Variants in FRMPD3 observed in about 807,000 individuals in gnomAD.
FRMPD3 encodes the protein FERM and PDZ domain containing 3, also known as FERM and PDZ domain-containing protein 3.
In FRMPD3, 42 loss-of-function variants were observed where a neutral mutation model predicts 97.9. The observed-to-expected ratio is 0.43, with a 90% CI of 0.34 to 0.55. The LOEUF is 0.55. FRMPD3 is among the 20% of genes least tolerant of loss of function. The pLI is 0.03. For missense variants in FRMPD3, 1,303 were observed against 1,457.7 expected, an observed-to-expected ratio of 0.89 and a Z score of 1.73; for synonymous variants, 577 against 581.1, an observed-to-expected ratio of 0.99 and a Z score of 0.10.
intron 1 of FRMPD3, among the ~76,000 whole-genome samples, chrX:107,461,001 G>A (rs1212716811): frequency 8.9e-6 from 1 of 111,984 alleles, no homozygotes; most frequent in Admixed American, 9.5e-5. Context: ...CCACTAGTCC[G>A]CTGCTGCCAC....
chrX:107,521,715 C>T (rs1186055569), intron 1 of FRMPD3, among the ~76,000 whole-genome samples: 1 of 111,931 alleles, frequency 8.9e-6, no homozygotes, highest in African/African-American at 3.2e-5. Flanking sequence ...CTTCTGTTAC[C>T]GGAATCAGAG....
At chrX:107,513,414 A>G (rs1003877094) in intron 1 of FRMPD3, 6 of 111,522 alleles carry the variant, frequency 5.4e-5, no homozygotes, top group African/African-American at 2.0e-4. Context: ...AGGACTATTC[A>G]AAGTCACCCT....
chrX:107,480,028 G>A (rs1309744905), intron 1 of FRMPD3, among the ~76,000 whole-genome samples: 1 of 102,929 alleles, frequency 9.7e-6, no homozygotes, highest in Non-Finnish European at 2.0e-5. Context: ...CCAAAACCCT[G>A]TCTCATTTAA....
At chrX:107,463,271 C>G (rs1252591358) in intron 1 of FRMPD3, among the ~76,000 whole-genome samples, 1 of 112,310 alleles carries the variant, frequency 8.9e-6, no homozygotes, top group African/African-American at 3.2e-5. Context: ...ACATTTTTAA[C>G]ATTTCTGAAA....
At chrX:107,450,852 G>A (rs1427985983) in intron 1 of FRMPD3, among the ~76,000 whole-genome samples, 1 of 109,536 alleles carries the variant, frequency 9.1e-6, no homozygotes, top group Non-Finnish European at 1.9e-5. Context: ...TGCAGATCCA[G>A]TACCTGCTGC....
At chrX:107,487,400 G>A (rs1315206174) in intron 1 of FRMPD3, among the ~76,000 whole-genome samples, 1 of 111,837 alleles carries the variant, frequency 8.9e-6, no homozygotes, top group Non-Finnish European at 1.9e-5. Flanking sequence ...ATAATTGCTT[G>A]GGTTGGGAGG....
chrX:107,547,292 C>T (rs1921657500), intron 5 of FRMPD3, among the ~76,000 whole-genome samples: 1 of 110,901 alleles, frequency 9.0e-6, no homozygotes, highest in Non-Finnish European at 1.9e-5. Context: ...GCAGAGTAAT[C>T]AGTCAAGGGC....
In FRMPD3 at chrX:107,565,050, G is replaced by T. The variant is rs1427783238; in HGVS notation, c.1280G>T (p.Ser427Ile). The T allele has an allele frequency of 6.8e-6, 8 of 1,184,567 alleles. No individual in the cohort carries two copies. The highest frequency in any genetic ancestry group is 9.1e-6 in the Non-Finnish European group (8 of 882,412). The change falls in exon 12 of 15, where the codon AGC (serine) becomes ATC (isoleucine). Residue 427 changes from serine to isoleucine, a missense_variant. Ser to Ile is a moderately radical substitution (Grantham distance 142, BLOSUM62 -2). Coordinates refer to ENST00000683843, the MANE Select transcript of FRMPD3 (RefSeq NM_001388459.1). Reference protein sequence around the residue: ...ENQGVARVETSIMDAKPLVLL... With the variant: ...ENQGVARVETIIMDAKPLVLL... The stretch of plus-strand genomic sequence containing the variant: ...CAGGGCGTGGCCCGGGTGGAGACCA[G>T]CATCATGGATGCCAAGGTAAGCCCT...
chrX:107,520,225 G>T (rs759400379), intron 1 of FRMPD3, among the ~76,000 whole-genome samples: 5 of 111,006 alleles, frequency 4.5e-5, no homozygotes, highest in South Asian at 3.8e-4. Flanking sequence ...TAGGTGAGCC[G>T]CTGGGTGTGG....
chrX:107,480,960 G>GAAAGAAAC (rs1921353417), intron 1 of FRMPD3, among the ~76,000 whole-genome samples: 1 of 105,580 alleles, frequency 9.5e-6, no homozygotes, highest in Non-Finnish European at 2.0e-5. Flanking sequence ...AAGAAAGAAA[G>GAAAGAAAC]AAACAGACAT....
At chrX:107,507,310 G>A (rs1339983368) in intron 1 of FRMPD3, among the ~76,000 whole-genome samples, 1 of 110,804 alleles carries the variant, frequency 9.0e-6, no homozygotes, top group African/African-American at 3.3e-5. Flanking sequence ...GATACGCGGG[G>A]ATGAAGTTTT....
At chrX:107,452,612 G>C (rs1387139859) in intron 1 of FRMPD3, among the ~76,000 whole-genome samples, 1 of 111,676 alleles carries the variant, frequency 9.0e-6, no homozygotes, top group Non-Finnish European at 1.9e-5. Context: ...TCCAACATAA[G>C]CTCGTGATGC....
intron 13 of FRMPD3, among the ~76,000 whole-genome samples, chrX:107,581,105 CTGTT>C (rs1023079689): frequency 2.9e-4 from 32 of 110,381 alleles, no homozygotes; most frequent in East Asian, 8.6e-4. Context: ...CTTTTTTGCT[CTGTT>C]TGTTTGTTTG....
intron 11 of FRMPD3, among the ~76,000 whole-genome samples, chrX:107,564,605 G>A (rs1922523341): frequency 8.9e-6 from 1 of 112,200 alleles, no homozygotes; most frequent in South Asian, 3.7e-4. Context: ...CCTACTTCAC[G>A]GTTTTGCTTG....
chrX:107,511,534 G>A (rs1922164039), intron 1 of FRMPD3, among the ~76,000 whole-genome samples: 2 of 112,930 alleles, frequency 1.8e-5, no homozygotes. Context: ...GGTGGCCCAG[G>A]CCATCGATGC....
chrX:107,528,576 G>A (rs1922794381), intron 2 of FRMPD3, among the ~76,000 whole-genome samples: 1 of 112,683 alleles, frequency 8.9e-6, no homozygotes, highest in South Asian at 3.7e-4. Flanking sequence ...CCAATTCTTA[G>A]CAATGTCAAT....
At chrX:107,503,053 G>A (rs996506591) in intron 1 of FRMPD3, among the ~76,000 whole-genome samples, 7 of 111,789 alleles carry the variant, frequency 6.3e-5, no homozygotes, top group Non-Finnish European at 1.1e-4. Flanking sequence ...TTAGTCATGG[G>A]GGGAATGGGG....
At chrX:107,479,393 C>G (rs1007233854) in intron 1 of FRMPD3, among the ~76,000 whole-genome samples, 1 of 111,962 alleles carries the variant, frequency 8.9e-6, no homozygotes, top group Non-Finnish European at 1.9e-5. Context: ...TTATTAATGC[C>G]TCACGTTTAC....
chrX:107,538,455 T>C (rs1365378169), intron 4 of FRMPD3, among the ~76,000 whole-genome samples: 1 of 107,227 alleles, frequency 9.3e-6, no homozygotes, highest in African/African-American at 3.4e-5. Context: ...TACAGAACTC[T>C]TGTCATGTTA....
Sources: gnomAD v4.1 joint callset for allele counts (sites outside exome capture counted in the v4.1 genomes callset) on GRCh38, gnomAD v4.1.1 for gene constraint, MANE v1.5 for transcripts, NCBI Gene and HGNC (gene_info 2026-07-23, HGNC 2026-07-21) for gene names.